The following PLCB1 variants were observed in gnomAD, a reference collection of about 807,000 sequenced individuals.
The protein encoded by PLCB1 is 1-phosphatidylinositol 4,5-bisphosphate phosphodiesterase beta-1.
A neutral mutation model predicts 161.8 loss-of-function variants in PLCB1; 46 were observed. That is an observed-to-expected ratio of 0.28 (90% confidence interval 0.22 to 0.36). The LOEUF (loss-of-function observed/expected upper bound fraction) is 0.36. Ranked by LOEUF, PLCB1 falls within the 10% of genes least tolerant of loss-of-function variation. PLCB1 has a pLI of 1.00. For missense variants in PLCB1, 1,016 were observed against 1,472.5 expected (o/e 0.69, Z 5.07); for synonymous variants, 517 against 503.7 (o/e 1.03, Z -0.35).
Position 8,881,711 on chromosome 20 carries a change from A to G in PLCB1, c.3513A>G (p.Gly1171=), listed in dbSNP as rs781577271. The G allele has an allele frequency of 3.3e-5, 53 of 1,614,074 alleles. No individual in the cohort carries two copies. The highest frequency in any genetic ancestry group is 4.4e-5 in the Non-Finnish European group (52 of 1,179,976). Residue 1171 remains glycine (G), a synonymous_variant, in exon 32 of 32, where the codon GGA becomes GGG. Transcript: ENST00000338037. ...ILEFVQEAMK[G]KISEDSNHGS... ...AATTCGTGCAGGAAGCCATGAAAGG[A>G]AAGATCAGTGAAGACAGCAATCACG...
In PLCB1 at chr20:8,874,246, ACACACACACG is replaced by A. The variant is rs1201155929; in HGVS notation, c.3424-7371_3424-7362del. On this transcript the variant is annotated intron_variant, in intron 31 of 31. Coordinates refer to ENST00000338037, the MANE Select transcript of PLCB1 (RefSeq NM_015192.4). Reference sequence around the variant, plus strand: ...TATGTACACACACACACACACACACACACACACACGCACAACAGATGCTCCCAGAGAAGAA... The same window carrying A: ...TATGTACACACACACACACACACACACACAACAGATGCTCCCAGAGAAGAA... Among the ~76,000 whole-genome samples, 136 of 137,162 alleles carry A rather than the reference ACACACACACG, an allele frequency of 9.9e-4. 2 individuals are homozygous for A. The South Asian group carries it at 0.013, about 13-fold the overall frequency. The allele number at this position is 137,162 out of a possible 152,430, so 90.0% of individuals were successfully genotyped here.
chr20:8,779,984 G>A (rs914386274), intron 27 of PLCB1, among the ~76,000 whole-genome samples: 5 of 152,150 alleles, frequency 3.3e-5, no homozygotes, highest in Non-Finnish European at 5.9e-5. Context: ...CCCCATTCAC[G>A]TGCTTGTGCT....
Position 8,378,401 on chromosome 20 carries a change from T to C in PLCB1, c.246+6951T>C, listed in dbSNP as rs1987160106. On this transcript the variant is annotated intron_variant, in intron 3 of 31. Transcript: ENST00000338037. ...ACATTTTTTGGTTTCCCACTGCATG[T>C]AAAAGTTATGATTACACTATACTGT... Among the ~76,000 whole-genome samples the C allele has an allele frequency of 3.3e-5, 5 of 152,230 alleles. No individual in the cohort carries two copies. In the South Asian group the frequency reaches 1.0e-3, roughly 32 times the overall value.
chr20:8,182,931 A>G (rs1240402007), intron 2 of PLCB1, among the ~76,000 whole-genome samples: 1 of 152,060 alleles, frequency 6.6e-6, no homozygotes, highest in Non-Finnish European at 1.5e-5. Flanking sequence ...TTGACTCTAT[A>G]TCCTTAACTA....
At chr20:8,563,293 T>A (rs886759068) in intron 3 of PLCB1, among the ~76,000 whole-genome samples, 6 of 151,892 alleles carry the variant, frequency 4.0e-5, no homozygotes, top group African/African-American at 1.5e-4. Context: ...AAAAAAGCAA[T>A]CAATTTAATT....
intron 2 of PLCB1, among the ~76,000 whole-genome samples, chr20:8,350,494 A>G (rs1383612680): frequency 2.0e-5 from 3 of 152,188 alleles, no homozygotes; most frequent in South Asian, 2.1e-4. Flanking sequence ...CCTATCATTG[A>G]TGGGCATTTG....
At chr20:8,179,854 T>A (rs1164100871) in intron 2 of PLCB1, among the ~76,000 whole-genome samples, 1 of 65,568 alleles carries the variant, frequency 1.5e-5, no homozygotes, top group Non-Finnish European at 3.2e-5. Flanking sequence ...GGCTTTTTTT[T>A]TTTTTTTTTT....
intron 31 of PLCB1, among the ~76,000 whole-genome samples, chr20:8,827,809 C>A (rs1394355650): frequency 6.6e-6 from 1 of 152,218 alleles, no homozygotes; most frequent in African/African-American, 2.4e-5. Context: ...TTTTAGAGCA[C>A]ATGAAAATCA....
intron 3 of PLCB1, among the ~76,000 whole-genome samples, chr20:8,478,398 T>C (rs1227678738): frequency 6.6e-6 from 1 of 151,712 alleles, no homozygotes; most frequent in Non-Finnish European, 1.5e-5. Context: ...AAGGGAGGTG[T>C]CATTTTGAAT....
intron 14 of PLCB1, 33 bp downstream of exon 14, chr20:8,717,881 T>G (rs2123469112): frequency 6.3e-7 from 1 of 1,581,452 alleles, no homozygotes; most frequent in Non-Finnish European, 8.6e-7. Context: ...CCGTCATGTT[T>G]TGTGTTGGTT....
Position 8,678,228 on chromosome 20 carries a change from C to T in PLCB1, c.863-6704C>T, listed in dbSNP as rs57714650. On this transcript the variant is annotated intron_variant, in intron 9 of 31. Transcript: ENST00000338037. ...TGTTAGGTTACTGTATGACTCAACC[C>T]TGAACACACTGTGTAGTCATGATAA... is the stretch of plus-strand genomic sequence containing the variant. Among the ~76,000 whole-genome samples the T allele has an allele frequency of 6.0e-3, 906 of 152,194 alleles. 13 individuals carry two copies. Among genetic ancestry groups the T allele is most frequent in the African/African-American group, 0.021 (870 of 41,538 alleles).
At chr20:8,709,560 G>T (rs542384932) in intron 12 of PLCB1, among the ~76,000 whole-genome samples, 4 of 152,066 alleles carry the variant, frequency 2.6e-5, no homozygotes, top group African/African-American at 9.7e-5. Context: ...TTCCTATTGG[G>T]AGTCTTTCCC....
At chr20:8,681,954 A>T (rs1990231281) in intron 9 of PLCB1, among the ~76,000 whole-genome samples, 1 of 152,128 alleles carries the variant, frequency 6.6e-6, no homozygotes, top group African/African-American at 2.4e-5. Flanking sequence ...GACACCAGGG[A>T]CGACAAAGAT....
intron 10 of PLCB1, among the ~76,000 whole-genome samples, chr20:8,691,520 G>A (rs1990479329): frequency 6.6e-6 from 1 of 152,124 alleles, no homozygotes; most frequent in Non-Finnish European, 1.5e-5. Context: ...GAGTCTCACA[G>A]TCATCAACTC....
chr20:8,819,718 A>G (rs1985246995), intron 31 of PLCB1, among the ~76,000 whole-genome samples: 1 of 151,786 alleles, frequency 6.6e-6, no homozygotes, highest in Non-Finnish European at 1.5e-5. Flanking sequence ...TGGTGTAGAT[A>G]GTCTCAAATT....
chr20:8,501,414 C>G (rs989533632), intron 3 of PLCB1, among the ~76,000 whole-genome samples: 1 of 152,260 alleles, frequency 6.6e-6, no homozygotes, highest in Non-Finnish European at 1.5e-5. Flanking sequence ...AACAAAGACA[C>G]AGTCTGCCCT....
At chr20:8,311,650 G>A (rs1426596115) in intron 2 of PLCB1, among the ~76,000 whole-genome samples, 2 of 152,128 alleles carry the variant, frequency 1.3e-5, no homozygotes, top group African/African-American at 2.4e-5. Context: ...CTAGTGATTC[G>A]GAAAGCCCTT....
At chr20:8,252,613 G>C (rs1981207542) in intron 2 of PLCB1, among the ~76,000 whole-genome samples, 1 of 151,940 alleles carries the variant, frequency 6.6e-6, no homozygotes, top group Non-Finnish European at 1.5e-5. Flanking sequence ...CAGTGCAGCT[G>C]GACCACACTG....
At chr20:8,600,956 A>C (rs559450949) in intron 3 of PLCB1, among the ~76,000 whole-genome samples, 1 of 150,186 alleles carries the variant, frequency 6.7e-6, no homozygotes, top group African/African-American at 2.5e-5. Context: ...GCCCTGCTTC[A>C]GCTCGCGCAC....
Sources: allele counts gnomAD v4.1 joint callset (sites outside exome capture counted in the v4.1 genomes callset), GRCh38; gene constraint gnomAD v4.1.1; transcripts MANE v1.5; gene names NCBI Gene and HGNC (gene_info 2026-07-23, HGNC 2026-07-21).